The following ZNF200 variants were observed in gnomAD, a reference collection of about 807,000 sequenced individuals.
ZNF200 encodes the protein zinc finger protein 200.
A neutral mutation model predicts 33.6 loss-of-function variants in ZNF200; 35 were observed. The ratio of observed to expected loss-of-function variants is 1.04; its 90% CI spans 0.80 to 1.38. The LOEUF is 1.38. ZNF200 is among the 40% of genes most tolerant of loss of function. ZNF200 has a pLI of 0.00. For missense variants in ZNF200, 592 were observed against 470.6 expected (o/e 1.26, Z -2.39); for synonymous variants, 209 against 167.7 (o/e 1.25, Z -1.90).
intron 2 of ZNF200, 134 bp from the exon 3 acceptor site, chr16:3,233,055 A>G (rs1958685300): frequency 1.4e-6 from 1 of 728,326 alleles, no homozygotes; most frequent in African/African-American, 1.8e-5. Context: ...GTGAGCCCTT[A>G]TAGAGTTCAA....
rs1413734685 is a variant in ZNF200 at position 3,234,986 on chromosome 16, C to T, written c.-82+1G>A. The T allele has an allele frequency of 1.3e-5, 2 of 152,324 alleles. No homozygotes were observed. The highest frequency in any genetic ancestry group is 2.4e-5 in the African/African-American group (1 of 41,472). 9.4% of individuals were successfully genotyped at this position (152,324 alleles called of 1,614,324 possible). On this transcript the variant is annotated splice_donor_variant, in intron 1 of 4. Transcript: ENST00000414144. LOFTEE classifies it low-confidence loss of function (5UTR_SPLICE). The stretch of plus-strand genomic sequence containing the variant: ...GTTCCCGCCCTCACGGAGCCCCTCA[C>T]CTCTCGGGGCCTCTGCAGCCCCTGA...
In ZNF200 at chr16:3,224,441, C is replaced by T. The variant is rs770554903; in HGVS notation, c.639G>A (p.Arg213=). ...ERLNTSIPQK[R]KMRNLLVTIE... Reference sequence around the variant, plus strand: ...TGGTAACTAACAGATTTCTCATTTTCCTTTTTTGTGGAATGGATGTATTTA... The same window carrying T: ...TGGTAACTAACAGATTTCTCATTTTTCTTTTTTGTGGAATGGATGTATTTA... The change falls in exon 5 of 5, where the codon AGG becomes AGA. Residue 213 remains arginine, a synonymous_variant. Transcript: ENST00000414144. The T allele has an allele frequency of 5.6e-6, 9 of 1,614,152 alleles. 1 individual carries two copies. The Admixed American group carries it at 1.5e-4, about 27-fold the overall frequency.
At chr16:3,224,765 G>C (rs553199439) in intron 4 of ZNF200, 152 bp from the exon 5 acceptor site, 2 of 913,784 alleles carry the variant, frequency 2.2e-6, no homozygotes, top group East Asian at 2.6e-5. Flanking sequence ...TACTTATTGA[G>C]GGTGGGATAC....
At chr16:3,233,930 T>G in intron 1 of ZNF200, 94 bp from the exon 2 acceptor site, 1 of 959,326 alleles carries the variant, frequency 1.0e-6, no homozygotes, top group Non-Finnish European at 1.5e-6. Flanking sequence ...ACATGAGATC[T>G]AAAGAAAACG....
intron 4 of ZNF200, chr16:3,227,283 C>T (rs766526210): frequency 6.6e-6 from 1 of 152,210 alleles, no homozygotes; most frequent in Non-Finnish European, 1.5e-5. Flanking sequence ...TCTTTCAAGG[C>T]TTCTGGGCTT....
At position 3,224,235 on chromosome 16, in the gene ZNF200, CA is replaced by C. The variant is rs1394228414; in HGVS notation, c.844del (p.Cys282ValfsTer50). ...RTHTGEKPYD[C>X]NHCGKSFNHK... ...ATTGAAGCTTTTCCCACAGTGATTA[CA>C]GTCATAGGGTTTTTCTCCAGTGTGG... On this transcript the variant is annotated frameshift_variant, in exon 5 of 5. Coordinates refer to ENST00000414144, the MANE Select transcript of ZNF200 (RefSeq NM_198088.3). LOFTEE classifies it high-confidence loss of function. The C allele has an allele frequency of 6.2e-7, 1 of 1,614,142 alleles. No homozygotes were observed. The highest frequency in any genetic ancestry group is 1.7e-5 in the Admixed American group (1 of 60,016).
rs1958677636 is a variant in ZNF200 at position 3,232,885 on chromosome 16, C to A, written c.287G>T (p.Gly96Val). The part of the protein sequence containing the change: ...PRPLVKLLPK[G>V]VQKEQETVSL... ...CACTGTCTCTTGTTCCTTTTGGACT[C>A]CTTTGGGCAGAAGCTTCACCAAGGG... The change falls in exon 3 of 5, where the codon GGA (glycine) becomes GTA (valine). Residue 96 changes from glycine to valine, a missense_variant. Gly to Val is a moderately radical substitution (Grantham distance 109, BLOSUM62 -3). Transcript: ENST00000414144. 6.2e-7 allele frequency: 1 copy of A among 1,613,690 alleles called. No individual in the cohort carries two copies. The highest frequency in any genetic ancestry group is 8.5e-7 in the Non-Finnish European group (1 of 1,179,842).
Position 3,232,677 on chromosome 16 carries a change from C to A in ZNF200, c.340-130G>T, listed in dbSNP as rs1401612031. The stretch of plus-strand genomic sequence containing the variant: ...GGGACCTATAAATCCCACAGAGGTG[C>A]AGCAAAGACAGGACAGCCAGGCTGA... On this transcript the variant is annotated intron_variant, in intron 3 of 4. Coordinates refer to ENST00000414144, the MANE Select transcript of ZNF200 (RefSeq NM_198088.3). 6.2e-6 allele frequency: 9 copies of A among 1,457,258 alleles called. No homozygotes were observed. The East Asian group carries it at 2.0e-4, about 33-fold the overall frequency. 90.3% of individuals were successfully genotyped at this position (1,457,258 alleles called of 1,614,324 possible). A position where few individuals can be genotyped will look rare whatever the true frequency, so the allele number is the denominator to read the frequency against.
chr16:3,229,743 T>C (rs969744611), intron 4 of ZNF200, among the ~76,000 whole-genome samples: 11 of 152,148 alleles, frequency 7.2e-5, no homozygotes, highest in African/African-American at 2.6e-4. Context: ...CAGGCACCTG[T>C]AGTCCCAGCT....
rs755448510 is a variant in ZNF200, at chr16:3,224,260, G to A, written c.820C>T (p.His274Tyr). 6.2e-6 allele frequency: 10 copies of A among 1,613,978 alleles called. No homozygotes were observed. The highest frequency in any genetic ancestry group is 8.5e-6 in the Non-Finnish European group (10 of 1,179,966). ...SSYLISHQRT[H>Y]TGEKPYDCNH... ...CAGTCATAGGGTTTTTCTCCAGTGT[G>A]GGTCCTCTGGTGGGAAATGAGGTAA... The change falls in exon 5 of 5, where the codon CAC (histidine) becomes TAC (tyrosine). Residue 274 changes from histidine to tyrosine, a missense_variant. His to Tyr is a moderately conservative substitution (Grantham distance 83, BLOSUM62 2). Coordinates refer to ENST00000414144, the MANE Select transcript of ZNF200 (RefSeq NM_198088.3).
At chr16:3,232,234 T>TGGCC (rs1958653469) in intron 4 of ZNF200, among the ~76,000 whole-genome samples, 187 bp downstream of exon 4, 1 of 152,052 alleles carries the variant, frequency 6.6e-6, no homozygotes, top group African/African-American at 2.4e-5. Context: ...CAGGGAAAAA[T>TGGCC]GGCCACCCAC....
In ZNF200 at chr16:3,233,495, G is replaced by C; in HGVS notation, c.250+11C>G. ...CCTCCTCTTCTAGTGAAACAAGCAT[G>C]TGCTTCTCACCTCTGTTCTGAAGGC... On this transcript the variant is annotated intron_variant, in intron 2 of 4. Coordinates refer to ENST00000414144, the MANE Select transcript of ZNF200 (RefSeq NM_198088.3). 1.3e-6 allele frequency: 2 copies of C among 1,511,168 alleles called. No individual in the cohort carries two copies. The highest frequency in any genetic ancestry group is 1.8e-6 in the Non-Finnish European group (2 of 1,131,572). 93.6% of individuals were successfully genotyped at this position (1,511,168 alleles called of 1,614,324 possible). A position where few individuals can be genotyped will look rare whatever the true frequency, so the allele number is the denominator to read the frequency against.
At position 3,233,841 on chromosome 16, in the gene ZNF200, A is replaced by T; in HGVS notation, c.-81-5T>A. 2 of 1,514,906 alleles carry T rather than the reference A, an allele frequency of 1.3e-6. No individual in the cohort carries two copies. Among genetic ancestry groups the T allele is most frequent in the Non-Finnish European group, 1.8e-6 (2 of 1,133,492 alleles). 93.8% of individuals were successfully genotyped at this position (1,514,906 alleles called of 1,614,324 possible). On this transcript the variant is annotated splice_polypyrimidine_tract_variant and splice_region_variant and intron_variant, in intron 1 of 4. Coordinates refer to ENST00000414144, the MANE Select transcript of ZNF200 (RefSeq NM_198088.3). ...GAAATCTGCCAGAGAGCCAAGCTGTAGACAGAGAAACCAGGGATTACCCAA... is the reference window on the plus strand; with the variant it reads ...GAAATCTGCCAGAGAGCCAAGCTGTTGACAGAGAAACCAGGGATTACCCAA...
intron 4 of ZNF200, among the ~76,000 whole-genome samples, chr16:3,229,727 A>C (rs1462423086): frequency 6.6e-6 from 1 of 152,034 alleles, no homozygotes; most frequent in East Asian, 1.9e-4. Context: ...CAGCCGGACA[A>C]GGTGGCAGGC....
At position 3,232,408 on chromosome 16, in the gene ZNF200, T is replaced by C. The variant is rs1567223414; in HGVS notation, c.466+13A>G. On this transcript the variant is annotated intron_variant, in intron 4 of 4. Coordinates refer to ENST00000414144, the MANE Select transcript of ZNF200 (RefSeq NM_198088.3). ...GCAAACAACCTGAACACACAAAGGC[T>C]GTGATTTCTTACCCAGTAACATCAT... 6.2e-7 allele frequency: 1 copy of C among 1,612,648 alleles called. No individual in the cohort carries two copies. Among genetic ancestry groups the C allele is most frequent in the Non-Finnish European group, 8.5e-7 (1 of 1,179,228 alleles).
rs1018128787 is a variant in ZNF200, at chr16:3,223,742, G to A, written c.*150C>T. On this transcript the variant is annotated 3_prime_UTR_variant, in exon 5 of 5. Transcript: ENST00000414144. Reference sequence around the variant, plus strand: ...CCCTGTGAATTTTCTAGCAATTTGAGGTTTTAGCTAAGATGGGCATTTATC... The same window carrying A: ...CCCTGTGAATTTTCTAGCAATTTGAAGTTTTAGCTAAGATGGGCATTTATC... 3 of 1,194,592 alleles carry A rather than the reference G, an allele frequency of 2.5e-6. No individual in the cohort carries two copies. The African/African-American group carries it at 4.6e-5, about 18-fold the overall frequency. The allele number at this position is 1,194,592 out of a possible 1,614,324, so 74.0% of individuals were successfully genotyped here.
intron 4 of ZNF200, chr16:3,224,951 A>T (rs1305204598): frequency 4.4e-6 from 1 of 226,368 alleles, no homozygotes; most frequent in African/African-American, 2.3e-5. Flanking sequence ...AGGGATGAAG[A>T]CTATACATCT....
chr16:3,227,300 C>G (rs1958498156), intron 4 of ZNF200: 1 of 152,146 alleles, frequency 6.6e-6, no homozygotes, highest in East Asian at 1.9e-4. Context: ...GCTTTTGAGT[C>G]TTAATTACAA....
chr16:3,226,727 A>C (rs1179278482), intron 4 of ZNF200: 1 of 152,178 alleles, frequency 6.6e-6, no homozygotes, highest in African/African-American at 2.4e-5. Context: ...TTCTTTGTAC[A>C]TCATTTCGAA....
Sources: gnomAD v4.1 joint callset for allele counts (sites outside exome capture counted in the v4.1 genomes callset) on GRCh38, gnomAD v4.1.1 for gene constraint, MANE v1.5 for transcripts, NCBI Gene and HGNC (gene_info 2026-07-23, HGNC 2026-07-21) for gene names.